BRINP3: variants seen among roughly 807,000 people sequenced by gnomAD.
The protein encoded by BRINP3 is BMP/retinoic acid-inducible neural-specific protein 3.
A neutral mutation model predicts 71.0 loss-of-function variants in BRINP3; 19 were observed. That is an observed-to-expected ratio of 0.27 (90% CI 0.19 to 0.39). BRINP3 has a LOEUF of 0.39. BRINP3 is among the 10% of genes least tolerant of loss of function. The probability of loss-of-function intolerance (pLI) is 1.00; values close to 1 mark genes in which losing one functional copy is unlikely to be tolerated. For missense variants in BRINP3, 959 were observed against 940.8 expected (o/e 1.02, Z -0.25); for synonymous variants, 380 against 337.7 (o/e 1.13, Z -1.37).
intron 2 of BRINP3, among the ~76,000 whole-genome samples, chr1:190,419,652 T>C (rs1206338991): frequency 1.3e-5 from 2 of 151,058 alleles, no homozygotes; most frequent in Non-Finnish European, 3.0e-5. Flanking sequence ...CTCTGTTCAG[T>C]TCCTAGTTTT....
intron 2 of BRINP3, among the ~76,000 whole-genome samples, chr1:190,379,875 T>A (rs1670428910): frequency 6.6e-6 from 1 of 151,534 alleles, no homozygotes; most frequent in Admixed American, 6.6e-5. Flanking sequence ...GGTGTGCACC[T>A]GTAATTCCAG....
At chr1:190,365,926 T>C (rs1051158110) in intron 2 of BRINP3, among the ~76,000 whole-genome samples, 1 of 149,666 alleles carries the variant, frequency 6.7e-6, no homozygotes, top group Non-Finnish European at 1.5e-5. Context: ...CTGTAAGAAA[T>C]AGAAGGAAGG....
intron 5 of BRINP3, among the ~76,000 whole-genome samples, chr1:190,233,290 G>T (rs914704626): frequency 5.3e-5 from 8 of 151,870 alleles, no homozygotes; most frequent in Non-Finnish European, 7.4e-5. Context: ...ACTCTTAGGT[G>T]CAGCAATCCT....
At position 190,154,261 on chromosome 1, in the gene BRINP3, C is replaced by A. The variant is rs1262722408; in HGVS notation, c.1184+6407G>T. On this transcript the variant is annotated intron_variant, in intron 7 of 7. Coordinates refer to ENST00000367462, the MANE Select transcript of BRINP3 (RefSeq NM_199051.3). The stretch of plus-strand genomic sequence containing the variant: ...TGATGCAGCATGCGCTCAGATGAAA[C>A]TCAGGGTTGTACTAGTAAAGGAAGA... Among the ~76,000 whole-genome samples, 3 of 152,138 alleles carry A rather than the reference C, an allele frequency of 2.0e-5. No individual in the cohort carries two copies. In the South Asian group the frequency reaches 6.2e-4, roughly 32 times the overall value.
At chr1:190,473,812 A>G (rs1364646314) in intron 1 of BRINP3, among the ~76,000 whole-genome samples, 1 of 151,162 alleles carries the variant, frequency 6.6e-6, no homozygotes, top group East Asian at 1.9e-4. Context: ...GGTTTTCTAA[A>G]CCCAAAGATT....
Position 190,403,589 on chromosome 1 carries a change from T to G in BRINP3, c.236+51066A>C, listed in dbSNP as rs1008075351. Among the ~76,000 whole-genome samples, 5 of 152,220 alleles carry G rather than the reference T, an allele frequency of 3.3e-5. No homozygotes were observed. In the East Asian group the frequency reaches 9.6e-4, roughly 29 times the overall value. On this transcript the variant is annotated intron_variant, in intron 2 of 7. Transcript: ENST00000367462. ...GAACAGGGAATGTAGAGCTTGTCCCTGAGTAGATGAATGGTTTAATGATCG... is the reference window on the plus strand; with the variant it reads ...GAACAGGGAATGTAGAGCTTGTCCCGGAGTAGATGAATGGTTTAATGATCG...
At chr1:190,123,927 T>G (rs1007275658) in intron 7 of BRINP3, among the ~76,000 whole-genome samples, 1 of 152,164 alleles carries the variant, frequency 6.6e-6, no homozygotes, top group Non-Finnish European at 1.5e-5. Context: ...GCCCGAGTTC[T>G]TCCCTTATTT....
intron 2 of BRINP3, among the ~76,000 whole-genome samples, chr1:190,412,095 G>C (rs780495134): frequency 9.9e-5 from 15 of 151,682 alleles, no homozygotes; most frequent in Non-Finnish European, 1.9e-4. Context: ...GGAAGAAATA[G>C]CACTGACAAG....
At chr1:190,139,823 A>T (rs1655283660) in intron 7 of BRINP3, among the ~76,000 whole-genome samples, 1 of 152,198 alleles carries the variant, frequency 6.6e-6, no homozygotes, top group African/African-American at 2.4e-5. Flanking sequence ...TTGTAGGCCC[A>T]ATATTATATC....
chr1:190,203,770 T>A lies in BRINP3; in HGVS notation c.961+22312A>T, dbSNP rs868411484. Among the ~76,000 whole-genome samples, 36 of 19,512 alleles carry A rather than the reference T, an allele frequency of 1.8e-3. 1 individual carries two copies. Among genetic ancestry groups the A allele is most frequent in the South Asian group, 0.014 (7 of 492 alleles). The allele number at this position is 19,512 out of a possible 152,430, so 12.8% of individuals were successfully genotyped here. ...AAGAAAATATATATATATATATATA[T>A]ATATATATATATATATATATATATA... On this transcript the variant is annotated intron_variant, in intron 6 of 7. Transcript: ENST00000367462.
At chr1:190,385,402 C>T (rs1478949051) in intron 2 of BRINP3, among the ~76,000 whole-genome samples, 3 of 151,832 alleles carry the variant, frequency 2.0e-5, no homozygotes, top group Admixed American at 2.0e-4. Context: ...CAAACAACCC[C>T]ATCAAAAAGT....
In BRINP3 at chr1:190,454,728, G is replaced by GGAA. The variant is rs1675873827; in HGVS notation, c.160_162dup (p.Phe54dup). 6.2e-7 allele frequency: 1 copy of GGAA among 1,614,022 alleles called. No individual in the cohort carries two copies. Among genetic ancestry groups the GGAA allele is most frequent in the Admixed American group, 1.7e-5 (1 of 59,998 alleles). ...AAATCTGTGTATTCCTGTGAGCGAT[G>GGAA]GAAGGGTCCCTTATCAGAGAGGAGC... On this transcript the variant is annotated inframe_insertion, in exon 2 of 8. Coordinates refer to ENST00000367462, the MANE Select transcript of BRINP3 (RefSeq NM_199051.3).
At chr1:190,291,150 A>C (rs1028252543) in intron 2 of BRINP3, among the ~76,000 whole-genome samples, 1 of 152,134 alleles carries the variant, frequency 6.6e-6, no homozygotes, top group Admixed American at 6.6e-5. Flanking sequence ...GTAAACCTCT[A>C]CATGGTAGAA....
At chr1:190,339,053 A>AAATAAAT (rs1210882250) in intron 2 of BRINP3, among the ~76,000 whole-genome samples, 1 of 144,570 alleles carries the variant, frequency 6.9e-6, no homozygotes, top group African/African-American at 2.6e-5. Context: ...AATAAATAAA[A>AAATAAAT]CAATCTTTTT....
intron 5 of BRINP3, among the ~76,000 whole-genome samples, chr1:190,228,784 G>A (rs767463909): frequency 9.2e-5 from 9 of 98,182 alleles, no homozygotes; most frequent in Non-Finnish European, 1.5e-4. Context: ...GCTGGCCACG[G>A]AATTTTCTTT....
chr1:190,400,955 A>T (rs1440301028), intron 2 of BRINP3, among the ~76,000 whole-genome samples: 1 of 152,208 alleles, frequency 6.6e-6, no homozygotes, highest in African/African-American at 2.4e-5. Context: ...TGTCAGCTAT[A>T]GGAAGAGGAT....
At chr1:190,121,339 A>T (rs1653633804) in intron 7 of BRINP3, among the ~76,000 whole-genome samples, 1 of 152,158 alleles carries the variant, frequency 6.6e-6, no homozygotes, top group African/African-American at 2.4e-5. Context: ...TTTTACAAAA[A>T]CAAATTACAG....
chr1:190,388,042 G>C (rs1671025139), intron 2 of BRINP3, among the ~76,000 whole-genome samples: 1 of 151,516 alleles, frequency 6.6e-6, no homozygotes, highest in Admixed American at 6.6e-5. Flanking sequence ...ATAATATTAA[G>C]AGCAACAAAT....
At chr1:190,128,912 A>C (rs947032477) in intron 7 of BRINP3, among the ~76,000 whole-genome samples, 1 of 151,758 alleles carries the variant, frequency 6.6e-6, no homozygotes, top group Non-Finnish European at 1.5e-5. Flanking sequence ...AGATCTTTAT[A>C]CCAATACCGG....
Sources: gnomAD v4.1 joint callset for allele counts (sites outside exome capture counted in the v4.1 genomes callset) on GRCh38, gnomAD v4.1.1 for gene constraint, MANE v1.5 for transcripts, NCBI Gene and HGNC (gene_info 2026-07-23, HGNC 2026-07-21) for gene names.